The following TYRO3 variants were observed in gnomAD, a reference collection of about 807,000 sequenced individuals.
TYRO3 encodes the protein tyrosine-protein kinase receptor TYRO3.
In TYRO3, 38 loss-of-function variants were observed where a neutral mutation model predicts 95.2. The ratio of observed to expected loss-of-function variants is 0.40; its 90% CI spans 0.31 to 0.52. TYRO3 has a LOEUF of 0.52. Among genes scored for constraint, TYRO3 ranks in the 20% least tolerant of loss-of-function variants. The pLI, the probability that TYRO3 is intolerant of heterozygous loss-of-function variation, is 0.56. For missense variants in TYRO3, 812 were observed against 1,116.4 expected (o/e 0.73, Z 3.89); for synonymous variants, 367 against 432.9 (o/e 0.85, Z 1.89).
rs751342278 is a variant in TYRO3, at chr15:41,570,265, C to T, written c.1408C>T (p.Arg470Trp). The change falls in exon 11 of 19, where the codon CGG becomes TGG. Residue 470 changes from arginine (R) to tryptophan (W), a missense_variant. By Grantham distance (101) the Arg-to-Trp change is moderately radical. Coordinates refer to ENST00000263798, the MANE Select transcript of TYRO3 (RefSeq NM_006293.4). Reference sequence around the variant, plus strand: ...GCAAGCCTTTGACAGTGTCATGGCCCGGGGAGAGCCAGCCGTTCACTTCCG... The same window carrying T: ...GCAAGCCTTTGACAGTGTCATGGCCTGGGGAGAGCCAGCCGTTCACTTCCG... ...FGQAFDSVMARGEPAVHFRAA... is the reference protein window; with the variant it reads ...FGQAFDSVMAWGEPAVHFRAA... 20 of 1,614,012 alleles carry T rather than the reference C, an allele frequency of 1.2e-5. No individual in the cohort carries two copies. In the South Asian group the frequency reaches 1.6e-4, roughly 13 times the overall value.
rs1042495287 is a variant in TYRO3 at position 41,580,908 on chromosome 15, AG to A, written c.*2636del. The A allele has an allele frequency of 1.3e-5, 2 of 151,692 alleles. No homozygotes were observed. Among genetic ancestry groups the A allele is most frequent in the African/African-American group, 2.4e-5 (1 of 41,340 alleles). 9.4% of individuals were successfully genotyped at this position (151,692 alleles called of 1,614,324 possible). On this transcript the variant is annotated 3_prime_UTR_variant, in exon 19 of 19. Transcript: ENST00000263798. ...TAGCCTCCCAAAGTGCTGTGATAACAGGGGTGAGACACCATACCCAGCTTGT... is the reference window on the plus strand; with the variant it reads ...TAGCCTCCCAAAGTGCTGTGATAACAGGGTGAGACACCATACCCAGCTTGT...
intron 6 of TYRO3, among the ~76,000 whole-genome samples, chr15:41,566,628 T>C (rs919269720): frequency 6.6e-6 from 1 of 152,172 alleles, no homozygotes; most frequent in East Asian, 1.9e-4. Flanking sequence ...GAATGGAGCT[T>C]GGATATGCAG....
chr15:41,564,978 C>T (rs746836979), intron 5 of TYRO3, 48 bp from the exon 6 acceptor site: 4 of 1,306,720 alleles, frequency 3.1e-6, no homozygotes, highest in Non-Finnish European at 3.3e-6. Flanking sequence ...CTCCTGCTGC[C>T]TCTGCTCATA....
intron 2 of TYRO3, 108 bp from the exon 3 acceptor site, chr15:41,561,431 C>G (rs2055652254): frequency 7.0e-7 from 1 of 1,428,576 alleles, no homozygotes; most frequent in Admixed American, 2.4e-5. Context: ...TTTTATTTGG[C>G]TACCTGTGGG....
At position 41,578,019 on chromosome 15, in the gene TYRO3, A is replaced by C; in HGVS notation, c.2416A>C (p.Asn806His). Residue 806 changes from asparagine (N) to histidine (H), a missense_variant, in exon 19 of 19, where the codon AAC becomes CAC. By Grantham distance (68) the Asn-to-His change is moderately conservative (BLOSUM62 1). Transcript: ENST00000263798. Reference sequence around the variant, plus strand: ...TGCCAGCCAGGACCCCTTATACATCAACATCGAGAGAGCTGAGGAGCCCAC... The same window carrying C: ...TGCCAGCCAGGACCCCTTATACATCCACATCGAGAGAGCTGAGGAGCCCAC... Reference protein sequence around the residue: ...LSASQDPLYINIERAEEPTAG... With the variant: ...LSASQDPLYIHIERAEEPTAG... The C allele has an allele frequency of 6.2e-7, 1 of 1,614,096 alleles. No homozygotes were observed. Among genetic ancestry groups the C allele is most frequent in the Non-Finnish European group, 8.5e-7 (1 of 1,180,036 alleles).
rs534693625 is a variant in TYRO3, at chr15:41,568,107, T to C, written c.962-110T>C. On this transcript the variant is annotated intron_variant, in intron 7 of 18. Transcript: ENST00000263798. ...GCTGGGAGGTGAACCCTTCCCCAGT[T>C]TGTGCCTCTCAGAGCTGTTTAGTTC... 73 of 1,437,154 alleles carry C rather than the reference T, an allele frequency of 5.1e-5. No homozygotes were observed. In the East Asian group the frequency reaches 1.0e-3, roughly 20 times the overall value. 89.0% of individuals were successfully genotyped at this position (1,437,154 alleles called of 1,614,324 possible). A position where few individuals can be genotyped will look rare whatever the true frequency, so the allele number is the denominator to read the frequency against.
intron 3 of TYRO3, chr15:41,562,222 G>GTAGA: frequency 4.5e-6 from 1 of 223,184 alleles, no homozygotes; most frequent in Non-Finnish European, 8.6e-6. Context: ...ATGGTGGCGT[G>GTAGA]TGCCTGTAGT....
chr15:41,560,996 C>T (rs2055645360), intron 1 of TYRO3, 131 bp from the exon 2 acceptor site: 1 of 1,145,096 alleles, frequency 8.7e-7, no homozygotes, highest in Admixed American at 1.8e-5. Flanking sequence ...TGTCCTACCT[C>T]TGCTTCCTTG....
chr15:41,571,786 T>A, intron 14 of TYRO3, 99 bp downstream of exon 14: 1 of 711,186 alleles, frequency 1.4e-6, no homozygotes, highest in Non-Finnish European at 2.5e-6. Context: ...TGGACTCATC[T>A]GGTAAATAAA....
chr15:41,561,541 T>G lies in TYRO3; in HGVS notation c.311T>G (p.Leu104Arg). 6.3e-7 allele frequency: 1 copy of G among 1,581,610 alleles called. No homozygotes were observed. The highest frequency in any genetic ancestry group is 1.2e-5 in the South Asian group (1 of 86,000). ...SEQHWIGFLS[L>R]KSVERSDAGR... ...AGCCTCGTATCCTGTTTCCACAGCC[T>G]GAAGTCAGTGGAGCGCTCTGACGCC... The change falls in exon 3 of 19, where the codon CTG becomes CGG. Residue 104 changes from leucine to arginine, a missense_variant and splice_region_variant. Coordinates refer to ENST00000263798, the MANE Select transcript of TYRO3 (RefSeq NM_006293.4).
At chr15:41,575,849 TCACGCC>T (rs1213867922) in intron 18 of TYRO3, among the ~76,000 whole-genome samples, 2 of 152,118 alleles carry the variant, frequency 1.3e-5, no homozygotes, top group East Asian at 3.9e-4. Flanking sequence ...GGACGGTGGC[TCACGCC>T]CGTAATCCCA....
chr15:41,573,524 G>C, intron 17 of TYRO3, 57 bp downstream of exon 17: 1 of 1,573,356 alleles, frequency 6.4e-7, no homozygotes, highest in Admixed American at 1.7e-5. Flanking sequence ...AGACCTTTAG[G>C]ATCCTTAAGG....
chr15:41,568,114 T>C, intron 7 of TYRO3, 103 bp from the exon 8 acceptor site: 1 of 1,497,366 alleles, frequency 6.7e-7, no homozygotes, highest in Admixed American at 1.8e-5. Context: ...AGTTTGTGCC[T>C]CTCAGAGCTG....
chr15:41,563,585 C>T (rs951905216), intron 4 of TYRO3, among the ~76,000 whole-genome samples: 8 of 152,116 alleles, frequency 5.3e-5, no homozygotes, highest in African/African-American at 1.9e-4. Flanking sequence ...TCCAGGTGTG[C>T]GTGGTTGGGA....
In TYRO3 at chr15:41,562,331, CAAAAAAAAAA is replaced by C. The variant is rs11363130; in HGVS notation, c.410-202_410-193del. On this transcript the variant is annotated intron_variant, in intron 3 of 18. Coordinates refer to ENST00000263798, the MANE Select transcript of TYRO3 (RefSeq NM_006293.4). ...AGAGAGACCTCCCCGCGACCAATCTCAAAAAAAAAAAAAAAAAAAAAAAATTCCTAAGGAG... is the reference window on the plus strand; with the variant it reads ...AGAGAGACCTCCCCGCGACCAATCTCAAAAAAAAAAAAAATTCCTAAGGAG... The C allele has an allele frequency of 8.8e-3, 1,537 of 174,288 alleles. 28 individuals carry two copies. Among genetic ancestry groups the C allele is most frequent in the African/African-American group, 0.056 (1,434 of 25,516 alleles). The allele number at this position is 174,288 out of a possible 1,614,324, so 10.8% of individuals were successfully genotyped here.
At chr15:41,569,928 G>C in intron 9 of TYRO3, 99 bp from the exon 10 acceptor site, 3 of 1,474,158 alleles carry the variant, frequency 2.0e-6, no homozygotes, top group East Asian at 2.3e-5. Context: ...TATTGACCTA[G>C]AGGAGCCCCT....
In TYRO3 at chr15:41,572,483, C is replaced by T; in HGVS notation, c.1794C>T (p.Ile598=). Residue 598 remains isoleucine (I), a synonymous_variant, in exon 15 of 19, where the codon ATC becomes ATT. Coordinates refer to ENST00000263798, the MANE Select transcript of TYRO3 (RefSeq NM_006293.4). ...LRSRAKGRLP[I]PMVILPFMKH... ...GCAGGGCTAAAGGCCGTCTCCCCAT[C>T]CCCATGGTCATCTTGCCCTTCATGA... 1 of 1,614,246 alleles carries T rather than the reference C, an allele frequency of 6.2e-7. No individual in the cohort carries two copies. The highest frequency in any genetic ancestry group is 8.5e-7 in the Non-Finnish European group (1 of 1,180,054).
chr15:41,569,725 C>T (rs1336470894), intron 9 of TYRO3, among the ~76,000 whole-genome samples: 1 of 152,212 alleles, frequency 6.6e-6, no homozygotes, highest in Non-Finnish European at 1.5e-5. Context: ...TGCAACTGTG[C>T]CCCTGCACTC....
intron 12 of TYRO3, 130 bp from the exon 13 acceptor site, chr15:41,570,908 A>G: frequency 1.9e-6 from 2 of 1,063,554 alleles, no homozygotes; most frequent in Non-Finnish European, 2.9e-6. Context: ...TGCTTTGGCT[A>G]CTGGCAAGGG....
Sources: allele counts gnomAD v4.1 joint callset (sites outside exome capture counted in the v4.1 genomes callset), GRCh38; gene constraint gnomAD v4.1.1; transcripts MANE v1.5; gene names NCBI Gene and HGNC (gene_info 2026-07-23, HGNC 2026-07-21).